RTN4: variants seen among roughly 807,000 people sequenced by gnomAD.
RTN4 encodes reticulon-4.
Under a neutral mutation model 90.4 loss-of-function variants are expected in RTN4, and 32 were observed. The ratio of observed to expected loss-of-function variants is 0.35; its 90% CI spans 0.27 to 0.48. RTN4 has a LOEUF of 0.48. Among genes scored for constraint, RTN4 ranks in the 20% least tolerant of loss-of-function variants. The pLI, the probability that RTN4 is intolerant of heterozygous loss-of-function variation, is 0.99. For missense variants in RTN4, 1,706 were observed against 1,430.2 expected (o/e 1.19, Z -3.11); for synonymous variants, 629 against 552.5 (o/e 1.14, Z -1.94).
intron 5 of RTN4, among the ~76,000 whole-genome samples, chr2:54,978,286 T>C (rs1279949033): frequency 6.6e-6 from 1 of 151,966 alleles, no homozygotes; most frequent in East Asian, 1.9e-4. Context: ...AAAAATTAGC[T>C]GGGCGTGGTG....
In RTN4 at chr2:55,097,777, T is replaced by G. The variant is rs76263502; in HGVS notation, c.-214+14743A>C. ...AAATCCATAATGAAGAGCTGACACT[T>G]GAACAGGCTGTTCTGGAACTCAGGA... On this transcript the variant is annotated intron_variant, in intron 1 of 3. Coordinates refer to the RTN4 transcript ENST00000427710. Among the ~76,000 whole-genome samples the G allele has an allele frequency of 5.0e-4, 76 of 152,196 alleles. No homozygotes were observed. In the East Asian group the frequency reaches 0.012, roughly 25 times the overall value.
chr2:55,054,625 C>T (rs962147020), upstream of RTN4, among the ~76,000 whole-genome samples: 1 of 152,076 alleles, frequency 6.6e-6, no homozygotes, highest in African/African-American at 2.4e-5. Flanking sequence ...TATAGCAGGA[C>T]GTGAACACCA....
upstream of RTN4, among the ~76,000 whole-genome samples, chr2:55,113,842 CA>C (rs1668079143): frequency 6.6e-6 from 1 of 152,156 alleles, no homozygotes; most frequent in Non-Finnish European, 1.5e-5. Flanking sequence ...AGTCTGGTGC[CA>C]AACACAGGCC....
chr2:55,068,678 A>AAGG (rs1553449785), intron 2 of RTN4, among the ~76,000 whole-genome samples: 41 of 50,400 alleles, frequency 8.1e-4, no homozygotes, highest in African/African-American at 2.0e-3. Flanking sequence ...ACAAAAAAAA[A>AAGG]GGGGGGGGGG....
chr2:55,066,197 G>GTGTT (rs953645952), intron 2 of RTN4, among the ~76,000 whole-genome samples: 1 of 64,540 alleles, frequency 1.5e-5, no homozygotes, highest in East Asian at 8.2e-4. Flanking sequence ...GTGTGTTTGT[G>GTGTT]TGTGTGTGTG....
intron 1 of RTN4, among the ~76,000 whole-genome samples, chr2:55,042,011 C>A (rs1683108003): frequency 6.6e-6 from 1 of 151,974 alleles, no homozygotes; most frequent in African/African-American, 2.4e-5. Flanking sequence ...AATCTACATA[C>A]ATGAGACCAA....
chr2:55,037,224 A>C (rs1172890031), intron 1 of RTN4, among the ~76,000 whole-genome samples: 1 of 152,250 alleles, frequency 6.6e-6, no homozygotes, highest in African/African-American at 2.4e-5. Context: ...GAGAGAAATT[A>C]CAGATGATCT....
At chr2:55,013,637 G>A (rs1219123415) in intron 3 of RTN4, among the ~76,000 whole-genome samples, 4 of 148,158 alleles carry the variant, frequency 2.7e-5, no homozygotes, top group African/African-American at 7.5e-5. Context: ...AGGGGGGGTG[G>A]TATCTAACTG....
chr2:54,976,157 T>C (rs1229623410), intron 5 of RTN4, among the ~76,000 whole-genome samples: 2 of 152,230 alleles, frequency 1.3e-5, no homozygotes, highest in East Asian at 3.8e-4. Context: ...GAAATTACTC[T>C]AGCAACGAAG....
In RTN4 at chr2:55,010,427, G is replaced by C. The variant is rs1381941594; in HGVS notation, c.3013+14659C>G. ...ATACCAAATGGAGCTGCATTTGCAG[G>C]GAGAGGGCAGGCTACCAAAAGAAAG... On this transcript the variant is annotated intron_variant, in intron 3 of 8. Transcript: ENST00000337526. 3 of 1,046,610 alleles carry C rather than the reference G, an allele frequency of 2.9e-6. No individual in the cohort carries two copies. The East Asian group carries it at 1.2e-4, about 42-fold the overall frequency. The allele number at this position is 1,046,610 out of a possible 1,614,324, so 64.8% of individuals were successfully genotyped here.
intron 1 of RTN4, among the ~76,000 whole-genome samples, chr2:55,107,750 C>T (rs1667968624): frequency 2.0e-5 from 3 of 152,058 alleles, no homozygotes; most frequent in Admixed American, 2.0e-4. Context: ...TGCCACTCCC[C>T]AGACAAACAG....
chr2:55,045,182 C>T (rs1049880651), intron 1 of RTN4, among the ~76,000 whole-genome samples: 3 of 152,148 alleles, frequency 2.0e-5, no homozygotes, highest in Non-Finnish European at 2.9e-5. Context: ...TATTTATGAG[C>T]AATATTCAAT....
intron 2 of RTN4, among the ~76,000 whole-genome samples, chr2:55,068,299 C>T (rs1455137386): frequency 1.3e-5 from 2 of 152,078 alleles, no homozygotes; most frequent in Non-Finnish European, 2.9e-5. Context: ...GGATCTTTCA[C>T]CCATGCATCA....
intron 5 of RTN4, 66 bp from the exon 6 acceptor site, chr2:54,974,830 A>G: frequency 1.5e-6 from 2 of 1,371,294 alleles, no homozygotes; most frequent in Non-Finnish European, 2.1e-6. Context: ...TTATGCTTTC[A>G]AAAGCATCCC....
intron 3 of RTN4, among the ~76,000 whole-genome samples, chr2:54,997,693 T>TA (rs1679540576): frequency 6.6e-6 from 1 of 152,214 alleles, no homozygotes; most frequent in Non-Finnish European, 1.5e-5. Context: ...TGAAGTGCAG[T>TA]AGTCCTCCCT....
upstream of RTN4, among the ~76,000 whole-genome samples, chr2:55,115,314 G>C (rs980213587): frequency 8.5e-5 from 13 of 152,272 alleles, no homozygotes; most frequent in African/African-American, 2.9e-4. Flanking sequence ...CACATTCCTT[G>C]ACTCCTGGTC....
chr2:55,000,770 G>C (rs1679798516), intron 3 of RTN4, among the ~76,000 whole-genome samples: 1 of 152,050 alleles, frequency 6.6e-6, no homozygotes, highest in Admixed American at 6.5e-5. Flanking sequence ...TAATACTCAA[G>C]TTTCTTTTTA....
rs769887926 is a variant in RTN4 at position 55,025,633 on chromosome 2, C to A, written c.2466G>T (p.Leu822Phe). The change falls in exon 3 of 9, where the codon TTG (leucine) becomes TTT (phenylalanine). Residue 822 changes from leucine to phenylalanine, a missense_variant. Transcript: ENST00000337526. Reference sequence around the variant, plus strand: ...GCAAAGGAATTTTCTCCTTTTTGCTCAATGTTGAAACTTCATCAGGTAACA... The same window carrying A: ...GCAAAGGAATTTTCTCCTTTTTGCTAAATGTTGAAACTTCATCAGGTAACA... Reference protein sequence around the residue: ...DTLLPDEVSTLSKKEKIPLQM... With the variant: ...DTLLPDEVSTFSKKEKIPLQM... 1.2e-6 allele frequency: 2 copies of A among 1,613,466 alleles called. No homozygotes were observed. The highest frequency in any genetic ancestry group is 2.2e-5 in the South Asian group (2 of 90,972).
Position 55,049,774 on chromosome 2 carries a change from G to C in RTN4, c.527C>G (p.Pro176Arg), listed in dbSNP as rs1453798409. Residue 176 changes from proline to arginine, a missense_variant, in exon 1 of 9, where the codon CCC (proline) becomes CGC (arginine). Coordinates refer to ENST00000337526, the MANE Select transcript of RTN4 (RefSeq NM_020532.5). Reference protein sequence around the residue: ...PAAPPSTPAAPKRRGSSGSVD... With the variant: ...PAAPPSTPAARKRRGSSGSVD... ...TGAGCCCGAGGAGCCCCTGCGCTTG[G>C]GCGCGGCCGGGGTGGAGGGGGGCGC... 1 of 1,324,958 alleles carries C rather than the reference G, an allele frequency of 7.5e-7. No homozygotes were observed. Among genetic ancestry groups the C allele is most frequent in the Non-Finnish European group, 9.6e-7 (1 of 1,039,428 alleles). 82.1% of individuals were successfully genotyped at this position (1,324,958 alleles called of 1,614,324 possible).
Sources: gnomAD v4.1 joint callset for allele counts (sites outside exome capture counted in the v4.1 genomes callset) on GRCh38, gnomAD v4.1.1 for gene constraint, MANE v1.5 for transcripts, NCBI Gene and HGNC (gene_info 2026-07-23, HGNC 2026-07-21) for gene names.